KCNH5: variants seen among roughly 807,000 people sequenced by gnomAD.
KCNH5 encodes potassium voltage-gated channel subfamily H member 5, also known as voltage-gated delayed rectifier potassium channel KCNH5.
A neutral mutation model predicts 96.1 loss-of-function variants in KCNH5; 46 were observed. The ratio of observed to expected loss-of-function variants is 0.48; its 90% CI spans 0.38 to 0.61. The LOEUF (loss-of-function observed/expected upper bound fraction) is 0.61, where lower values mean the gene tolerates loss of function less well. Ranked by LOEUF, KCNH5 falls within the 20% of genes least tolerant of loss-of-function variation. The pLI is 0.00. For missense variants in KCNH5, 907 were observed against 1,225.8 expected (o/e 0.74, Z 3.88); for synonymous variants, 439 against 449.8 (o/e 0.98, Z 0.30).
intron 4 of KCNH5, among the ~76,000 whole-genome samples, chr14:62,999,300 GT>G (rs1890968139): frequency 1.3e-5 from 2 of 152,312 alleles, no homozygotes; most frequent in African/African-American, 4.8e-5. Flanking sequence ...TGATGAGCAT[GT>G]TTTCATGTGT....
intron 7 of KCNH5, among the ~76,000 whole-genome samples, chr14:62,908,889 G>A (rs1246661992): frequency 6.8e-6 from 1 of 146,806 alleles, no homozygotes; most frequent in Admixed American, 6.9e-5. Context: ...CAAACTTGGG[G>A]GTGGTCTGGG....
rs1303429422 is a variant in KCNH5 at position 63,040,346 on chromosome 14, C to T, written c.73+4768G>A. On this transcript the variant is annotated intron_variant, in intron 1 of 10. Transcript: ENST00000322893. ...TAACAGTATCTTAGAATAAGCATCCCTCTATCAGCAATGTGCTGCATTCAT... is the reference window on the plus strand; with the variant it reads ...TAACAGTATCTTAGAATAAGCATCCTTCTATCAGCAATGTGCTGCATTCAT... Among the ~76,000 whole-genome samples the T allele has an allele frequency of 3.9e-5, 6 of 152,032 alleles. No individual in the cohort carries two copies. In the East Asian group the frequency reaches 9.6e-4, roughly 24 times the overall value.
intron 9 of KCNH5, among the ~76,000 whole-genome samples, chr14:62,795,802 AG>A (rs1886529484): frequency 6.6e-6 from 1 of 152,194 alleles, no homozygotes. Flanking sequence ...GGAGGTACTA[AG>A]AACCCTGTAT....
At chr14:62,847,636 A>G (rs1181800458) in intron 8 of KCNH5, among the ~76,000 whole-genome samples, 1 of 152,194 alleles carries the variant, frequency 6.6e-6, no homozygotes, top group Non-Finnish European at 1.5e-5. Context: ...TCTTATCCAA[A>G]TGCTAATCAA....
At chr14:62,827,456 GAAGT>G (rs373472674) in intron 8 of KCNH5, among the ~76,000 whole-genome samples, 16 of 152,092 alleles carry the variant, frequency 1.1e-4, no homozygotes, top group African/African-American at 3.6e-4. Flanking sequence ...CAGAATCATC[GAAGT>G]AAGTCTCTGA....
rs147422403 is a variant in KCNH5 at position 63,013,614 on chromosome 14, T to TA, written c.197+3216dup. On this transcript the variant is annotated intron_variant, in intron 2 of 10. Coordinates refer to ENST00000322893, the MANE Select transcript of KCNH5 (RefSeq NM_139318.5). ...TCTCTGTTATTTTGTGTCTCACACT[T>TA]AAAGGCTTTTCTGGATTTATTCAAG... is the stretch of plus-strand genomic sequence containing the variant. Among the ~76,000 whole-genome samples the TA allele has an allele frequency of 9.6e-3, 1,466 of 152,220 alleles. 80 individuals carry two copies. The East Asian group carries it at 0.14, about 15-fold the overall frequency.
rs917228856 is a variant in KCNH5, at chr14:63,010,983, T to C, written c.198-4511A>G. The stretch of plus-strand genomic sequence containing the variant: ...ACAGGGTAATATTATCTGCAGGCTG[T>C]AGTTCATAGATTAGCAAATCCTTCG... On this transcript the variant is annotated intron_variant, in intron 2 of 10. Transcript: ENST00000322893. Among the ~76,000 whole-genome samples, 3 of 152,122 alleles carry C rather than the reference T, an allele frequency of 2.0e-5. No homozygotes were observed. The South Asian group carries it at 6.2e-4, about 32-fold the overall frequency.
chr14:62,932,927 C>T (rs972810334), intron 7 of KCNH5, among the ~76,000 whole-genome samples: 9 of 152,178 alleles, frequency 5.9e-5, no homozygotes, highest in South Asian at 2.1e-4. Flanking sequence ...TTTTAAAACA[C>T]GCATAATCTC....
At chr14:62,961,835 GAGATGGAGATGC>G (rs374303129) in intron 6 of KCNH5, among the ~76,000 whole-genome samples, 2 of 150,256 alleles carry the variant, frequency 1.3e-5, no homozygotes, top group Admixed American at 6.6e-5. Context: ...GATAGAGATG[GAGATGGAGATGC>G]AGATGGAGAT....
intron 4 of KCNH5, among the ~76,000 whole-genome samples, chr14:62,989,925 C>G (rs1566530314): frequency 6.6e-6 from 1 of 151,660 alleles, no homozygotes; most frequent in Non-Finnish European, 1.5e-5. Flanking sequence ...ATAATTTTAC[C>G]TGGTGATAAT....
At chr14:63,029,205 T>A (rs1300662978) in intron 1 of KCNH5, among the ~76,000 whole-genome samples, 1 of 152,148 alleles carries the variant, frequency 6.6e-6, no homozygotes, top group African/African-American at 2.4e-5. Context: ...TATGAGATGT[T>A]ATCAAGTGGT....
chr14:62,831,608 T>C (rs1402987002), intron 8 of KCNH5, among the ~76,000 whole-genome samples: 2 of 152,218 alleles, frequency 1.3e-5, no homozygotes, highest in Non-Finnish European at 2.9e-5. Context: ...CCTTTATGTA[T>C]TGTGTTGCTA....
intron 7 of KCNH5, among the ~76,000 whole-genome samples, chr14:62,910,191 T>C (rs949670254): frequency 2.6e-5 from 4 of 151,682 alleles, no homozygotes; most frequent in African/African-American, 9.7e-5. Flanking sequence ...TAATAGATGC[T>C]AAAAAGTTTC....
intron 8 of KCNH5, among the ~76,000 whole-genome samples, chr14:62,829,800 C>T (rs1009671034): frequency 5.3e-5 from 8 of 152,208 alleles, no homozygotes. Context: ...CAAATGTATG[C>T]ACCTGAAGGC....
chr14:62,717,929 C>T (rs148658817), intron 10 of KCNH5, among the ~76,000 whole-genome samples: 2 of 152,312 alleles, frequency 1.3e-5, no homozygotes, highest in Non-Finnish European at 2.9e-5. Context: ...CCACGGAATA[C>T]TATGCAGCCA....
At chr14:62,838,604 A>G (rs1252345078) in intron 8 of KCNH5, among the ~76,000 whole-genome samples, 1 of 152,196 alleles carries the variant, frequency 6.6e-6, no homozygotes, top group Non-Finnish European at 1.5e-5. Context: ...AAGAATAAAC[A>G]CATTGAAAAG....
intron 6 of KCNH5, among the ~76,000 whole-genome samples, chr14:62,973,447 G>A (rs993684825): frequency 3.9e-5 from 6 of 152,188 alleles, no homozygotes; most frequent in African/African-American, 1.4e-4. Context: ...CTGCCCTCAT[G>A]CATGGATTAA....
At chr14:62,865,648 C>G (rs1376025466) in intron 7 of KCNH5, among the ~76,000 whole-genome samples, 3 of 152,224 alleles carry the variant, frequency 2.0e-5, no homozygotes, top group Non-Finnish European at 4.4e-5. Context: ...AGTCTGTACT[C>G]TCTTCCTTTA....
intron 8 of KCNH5, among the ~76,000 whole-genome samples, chr14:62,846,967 A>AT (rs1349208934): frequency 3.4e-5 from 5 of 147,784 alleles, no homozygotes; most frequent in African/African-American, 7.4e-5. Context: ...CGCCCGGCTA[A>AT]TTTTTTTTAT....
Sources: gnomAD v4.1 joint callset for allele counts (sites outside exome capture counted in the v4.1 genomes callset) on GRCh38, gnomAD v4.1.1 for gene constraint, MANE v1.5 for transcripts, NCBI Gene and HGNC (gene_info 2026-07-23, HGNC 2026-07-21) for gene names.